The following DHODH variants were observed in gnomAD, a reference collection of about 807,000 sequenced individuals.
DHODH encodes the protein dihydroorotate dehydrogenase (quinone), mitochondrial.
A neutral mutation model predicts 39.7 loss-of-function variants in DHODH; 30 were observed. The observed-to-expected ratio is 0.76, with a 90% confidence interval of 0.57 to 1.02. The LOEUF is 1.02. Ranked by LOEUF, DHODH falls within the 50% of genes least tolerant of loss-of-function variation. The probability of loss-of-function intolerance (pLI) is 0.00; values close to 1 mark genes in which losing one functional copy is unlikely to be tolerated. For synonymous variants in DHODH, 222 were observed against 213.8 expected (o/e 1.04, Z -0.34); for missense variants, 531 against 520.8 (o/e 1.02, Z -0.19).
Position 72,023,454 on chromosome 16 carries a change from C to T in DHODH, c.974-20C>T, listed in dbSNP as rs745387233. ...GAAGCCACATCCTTCTTTATGGTGT[C>T]GCCATGTGCTTCTCTGTAGGCCGAG... On this transcript the variant is annotated intron_variant, in intron 7 of 8. Coordinates refer to ENST00000219240, the MANE Select transcript of DHODH (RefSeq NM_001361.5). 9.3e-6 allele frequency: 15 copies of T among 1,614,008 alleles called. No individual in the cohort carries two copies. Among genetic ancestry groups the T allele is most frequent in the Admixed American group, 3.3e-5 (2 of 60,006 alleles).
In DHODH at chr16:72,026,606, CCT is replaced by C. The variant is rs564544025; in HGVS notation, c.*2408_*2409del. On this transcript the variant is annotated 3_prime_UTR_variant, in exon 9 of 9. Coordinates refer to ENST00000219240, the MANE Select transcript of DHODH (RefSeq NM_001361.5). ...ATATTGGCCAGGCTGGTCTCGAACTCCTGACCTCTTGGTCCACCCGCCTCAGC... is the reference window on the plus strand; with the variant it reads ...ATATTGGCCAGGCTGGTCTCGAACTCGACCTCTTGGTCCACCCGCCTCAGC... The C allele has an allele frequency of 6.5e-3, 992 of 152,194 alleles. 3 individuals are homozygous for C. Among genetic ancestry groups the C allele is most frequent in the Non-Finnish European group, 9.8e-3 (670 of 68,144 alleles). 9.4% of individuals were successfully genotyped at this position (152,194 alleles called of 1,614,324 possible).
At position 72,014,449 on chromosome 16, in the gene DHODH, C is replaced by T. The variant is rs200166479; in HGVS notation, c.235-24C>T. Reference sequence around the variant, plus strand: ...ATACCGGGATAGCCTTAGCGTGCCTCTGACTTTGTCTTCCTCTTCCCAGGA... The same window carrying T: ...ATACCGGGATAGCCTTAGCGTGCCTTTGACTTTGTCTTCCTCTTCCCAGGA... On this transcript the variant is annotated intron_variant, in intron 2 of 8. Transcript: ENST00000219240. 25 of 1,611,414 alleles carry T rather than the reference C, an allele frequency of 1.6e-5. No homozygotes were observed. In the African/African-American group the frequency reaches 2.4e-4, roughly 15 times the overall value.
chr16:72,021,396 A>G, intron 5 of DHODH, 85 bp downstream of exon 5: 1 of 1,430,534 alleles, frequency 7.0e-7, no homozygotes, highest in Non-Finnish European at 9.5e-7. Flanking sequence ...AACCTTCAGC[A>G]TCACCCTCAG....
At chr16:72,023,966 C>T (rs975206450) in intron 8 of DHODH, among the ~76,000 whole-genome samples, 179 bp from the exon 9 acceptor site, 7 of 152,182 alleles carry the variant, frequency 4.6e-5, no homozygotes, top group African/African-American at 1.7e-4. Flanking sequence ...AAAGCAATTT[C>T]CTTCCTGCTC....
intron 6 of DHODH, 55 bp downstream of exon 6, chr16:72,022,530 T>C (rs2041232641): frequency 1.4e-6 from 2 of 1,416,750 alleles, no homozygotes; most frequent in Non-Finnish European, 1.9e-6. Flanking sequence ...CAGAGGCCGT[T>C]TGGCCAGCTG....
Position 72,027,550 on chromosome 16 carries a change from G to A in DHODH, c.*3351G>A, listed in dbSNP as rs1171586378. On this transcript the variant is annotated 3_prime_UTR_variant, in exon 9 of 9. Transcript: ENST00000219240. Reference sequence around the variant, plus strand: ...TCTCCCTCTGGGACCAAGGATGGTGGAAGGGTGTGCAGAATTCCAAATGTT... The same window carrying A: ...TCTCCCTCTGGGACCAAGGATGGTGAAAGGGTGTGCAGAATTCCAAATGTT... The A allele has an allele frequency of 6.6e-6, 1 of 152,216 alleles. No homozygotes were observed. Among genetic ancestry groups the A allele is most frequent in the Non-Finnish European group, 1.5e-5 (1 of 68,062 alleles). The allele number at this position is 152,216 out of a possible 1,614,324, so 9.4% of individuals were successfully genotyped here.
chr16:72,023,457 C>T lies in DHODH; in HGVS notation c.974-17C>T, dbSNP rs1004927880. The T allele has an allele frequency of 6.2e-7, 1 of 1,614,148 alleles. No individual in the cohort carries two copies. The highest frequency in any genetic ancestry group is 8.5e-7 in the Non-Finnish European group (1 of 1,180,038). On this transcript the variant is annotated splice_polypyrimidine_tract_variant and intron_variant, in intron 7 of 8. Coordinates refer to ENST00000219240, the MANE Select transcript of DHODH (RefSeq NM_001361.5). ...GCCACATCCTTCTTTATGGTGTCGC[C>T]ATGTGCTTCTCTGTAGGCCGAGTTC...
At chr16:72,015,984 G>A in intron 3 of DHODH, 1 of 632,748 alleles carries the variant, frequency 1.6e-6, no homozygotes, top group Non-Finnish European at 2.0e-6. Flanking sequence ...AGGCACATTT[G>A]ATATTATTTT....
chr16:72,020,329 G>GTGTGTA (rs1453540434), intron 4 of DHODH: 1 of 102,202 alleles, frequency 9.8e-6, no homozygotes, highest in African/African-American at 4.5e-5. Context: ...ATGTATATGT[G>GTGTGTA]TATATATATA....
intron 1 of DHODH, among the ~76,000 whole-genome samples, chr16:72,009,803 C>CT (rs1398275835): frequency 1.3e-5 from 2 of 152,106 alleles, no homozygotes; most frequent in East Asian, 3.9e-4. Context: ...TTAGTAGAGA[C>CT]TGCAGTTTCA....
In DHODH at chr16:72,008,788, G is replaced by A. The variant is rs776384667; in HGVS notation, c.21+3G>A. ...GCATGGCGTGGAGACACCTGAAAGT[G>A]AGTCCCGCGAGTGAGCAGTGTGGAT... On this transcript the variant is annotated splice_donor_region_variant and intron_variant, in intron 1 of 8. Coordinates refer to ENST00000219240, the MANE Select transcript of DHODH (RefSeq NM_001361.5). 1 of 1,551,990 alleles carries A rather than the reference G, an allele frequency of 6.4e-7. No individual in the cohort carries two copies. The highest frequency in any genetic ancestry group is 8.7e-7 in the Non-Finnish European group (1 of 1,147,154).
intron 4 of DHODH, chr16:72,020,372 T>TATATATATGTATA (rs746414347): frequency 1.4e-5 from 1 of 70,890 alleles, no homozygotes; most frequent in African/African-American, 6.6e-5. Flanking sequence ...TATATATATA[T>TATATATATGTATA]TTTTTTTTTT....
At chr16:72,020,347 ATATATATGTGTATATATATATATATTTTT>A (rs2041194665) in intron 4 of DHODH, 1 of 117,238 alleles carries the variant, frequency 8.5e-6, no homozygotes, top group African/African-American at 4.3e-5. Context: ...ATATATATAT[ATATATATGTGTATATATATATATATTTTT>A]TTTTTTTTTC....
At chr16:72,015,611 C>A in intron 3 of DHODH, 1 of 884,568 alleles carries the variant, frequency 1.1e-6, no homozygotes, top group Non-Finnish European at 1.4e-6. Flanking sequence ...GTGCTTCCTG[C>A]TTTCTTGTGC....
Position 72,014,648 on chromosome 16 carries a change from C to T in DHODH, c.410C>T (p.Pro137Leu). Reference sequence around the variant, plus strand: ...CCTAGACCCAGAGTCTTCCGCCTCCCTGAGGACCAAGCTGTCATTAACAGG... The same window carrying T: ...CCTAGACCCAGAGTCTTCCGCCTCCTTGAGGACCAAGCTGTCATTAACAGG... The part of the protein sequence containing the change: ...GNPRPRVFRL[P>L]EDQAVINRYG... The change falls in exon 3 of 9, where the codon CCT becomes CTT. Residue 137 changes from proline to leucine, a missense_variant. By Grantham distance (98) the Pro-to-Leu change is moderately conservative. Coordinates refer to ENST00000219240, the MANE Select transcript of DHODH (RefSeq NM_001361.5). 2 of 1,614,152 alleles carry T rather than the reference C, an allele frequency of 1.2e-6. No individual in the cohort carries two copies. Among genetic ancestry groups the T allele is most frequent in the Non-Finnish European group, 1.7e-6 (2 of 1,180,022 alleles).
chr16:72,019,904 G>A (rs914064072), intron 4 of DHODH, among the ~76,000 whole-genome samples: 16 of 152,208 alleles, frequency 1.1e-4, no homozygotes, highest in Non-Finnish European at 1.8e-4. Flanking sequence ...CACTCTGGAA[G>A]GCCAAGGCAA....
Position 72,021,323 on chromosome 16 carries a change from C to T in DHODH, c.705+12C>T, listed in dbSNP as rs2041214861. The T allele has an allele frequency of 1.3e-6, 2 of 1,591,536 alleles. No homozygotes were observed. The highest frequency in any genetic ancestry group is 1.1e-5 in the South Asian group (1 of 88,530). On this transcript the variant is annotated intron_variant, in intron 5 of 8. Coordinates refer to ENST00000219240, the MANE Select transcript of DHODH (RefSeq NM_001361.5). ...GCCTGCTGACCAAGGTGGGCAGCTG[C>T]ACCCCTCTCCAGGCCCTGTCCCACC... is the stretch of plus-strand genomic sequence containing the variant.
chr16:72,009,524 A>T (rs2041059725), intron 1 of DHODH, among the ~76,000 whole-genome samples: 1 of 151,124 alleles, frequency 6.6e-6, no homozygotes, highest in African/African-American at 2.4e-5. Flanking sequence ...AAAAAAAAAA[A>T]AAAAAAAAAA....
rs1336724249 is a variant in DHODH at position 72,024,729 on chromosome 16, A to C, written c.*530A>C. The C allele has an allele frequency of 6.4e-6, 1 of 156,566 alleles. No individual in the cohort carries two copies. Among genetic ancestry groups the C allele is most frequent in the Non-Finnish European group, 1.4e-5 (1 of 70,640 alleles). 9.7% of individuals were successfully genotyped at this position (156,566 alleles called of 1,614,324 possible). ...ATGCCTGTAATCCCAGCACTTTGGGAGGCCGAGGCGGGCGGATCACCTGAG... is the reference window on the plus strand; with the variant it reads ...ATGCCTGTAATCCCAGCACTTTGGGCGGCCGAGGCGGGCGGATCACCTGAG... On this transcript the variant is annotated 3_prime_UTR_variant, in exon 9 of 9. Transcript: ENST00000219240.
Sources: allele counts gnomAD v4.1 joint callset (sites outside exome capture counted in the v4.1 genomes callset), GRCh38; gene constraint gnomAD v4.1.1; transcripts MANE v1.5; gene names NCBI Gene and HGNC (gene_info 2026-07-23, HGNC 2026-07-21).